Variants in PPFIA4 observed in about 807,000 individuals in gnomAD.
PPFIA4 encodes PPFI scaffold protein A4.
Under a neutral mutation model 145.7 loss-of-function variants are expected in PPFIA4, and 98 were observed. That is an observed-to-expected ratio of 0.67 (90% confidence interval 0.57 to 0.80). The LOEUF (loss-of-function observed/expected upper bound fraction) is 0.80, where lower values mean the gene tolerates loss of function less well. PPFIA4 is among the 30% of genes least tolerant of loss of function. PPFIA4 has a pLI of 0.00. For missense variants in PPFIA4, 1,457 were observed against 1,632.7 expected, an observed-to-expected ratio of 0.89 and a Z score of 1.85; for synonymous variants, 628 against 649.6, an observed-to-expected ratio of 0.97 and a Z score of 0.51.
rs777811403 is a variant in PPFIA4 at position 203,055,696 on chromosome 1, C to A, written c.2070+24C>A. On this transcript the variant is annotated intron_variant, in intron 16 of 29. Coordinates refer to ENST00000295706, the MANE Select transcript of PPFIA4 (RefSeq NM_001304331.2). The surrounding 1 kb of genome is among the most constrained non-coding windows in gnomAD (Gnocchi z 4.8). Reference sequence around the variant, plus strand: ...TGGTGAGAGGCAGCTGAGGAGCAGGCCTGGCATCACTGGACCCTGCACCGG... The same window carrying A: ...TGGTGAGAGGCAGCTGAGGAGCAGGACTGGCATCACTGGACCCTGCACCGG... 4.3e-6 allele frequency: 7 copies of A among 1,612,428 alleles called. No individual in the cohort carries two copies. Among genetic ancestry groups the A allele is most frequent in the African/African-American group, 2.7e-5 (2 of 74,990 alleles).
chr1:203,056,741 A>T (rs778949920), intron 18 of PPFIA4, 43 bp from the exon 19 acceptor site: 5 of 1,474,922 alleles, frequency 3.4e-6, no homozygotes, highest in African/African-American at 2.8e-5. Flanking sequence ...TCACTTAAGT[A>T]TGTTTCTTCT....
At chr1:203,027,557 C>T (rs143742023) in intron 1 of PPFIA4, among the ~76,000 whole-genome samples, 2 of 152,288 alleles carry the variant, frequency 1.3e-5, no homozygotes, top group South Asian at 2.1e-4. Flanking sequence ...GGCGCTGCTT[C>T]GCAGGGAGAT....
intron 20 of PPFIA4, 73 bp downstream of exon 20, chr1:203,059,344 G>A: frequency 1.5e-6 from 2 of 1,290,672 alleles, no homozygotes; most frequent in South Asian, 1.3e-5. Context: ...CTGGGCTGCT[G>A]TGAAACTGAG....
chr1:203,074,866 CA>C (rs1203150037), intron 28 of PPFIA4, among the ~76,000 whole-genome samples: 1 of 151,998 alleles, frequency 6.6e-6, no homozygotes, highest in African/African-American at 2.4e-5. Context: ...GGGCAGGTGG[CA>C]GGGGGCTGCC....
At chr1:203,059,399 G>A in intron 20 of PPFIA4, 128 bp downstream of exon 20, 1 of 825,822 alleles carries the variant, frequency 1.2e-6, no homozygotes, top group Non-Finnish European at 2.0e-6. Context: ...AACTGAGTTG[G>A]TCTGGTCCAT....
chr1:203,044,052 C>A lies in PPFIA4; in HGVS notation c.458C>A (p.Ala153Asp). 6.2e-7 allele frequency: 1 copy of A among 1,610,408 alleles called. No homozygotes were observed. Among genetic ancestry groups the A allele is most frequent in the Non-Finnish European group, 8.5e-7 (1 of 1,178,758 alleles). Residue 153 changes from alanine to aspartate, a missense_variant, in exon 4 of 30, where the codon GCC (alanine) becomes GAC (aspartate). Around this residue, in one of 3 missense-constraint regions of PPFIA4, gnomAD observed 463 missense variants for 459.8 expected, o/e 1.01. Transcript: ENST00000295706. ...GVSSEVEVLKALKSLFEHHKA... is the reference protein window; with the variant it reads ...GVSSEVEVLKDLKSLFEHHKA... Reference sequence around the variant, plus strand: ...TCCAGTGAGGTGGAGGTGCTGAAGGCCCTCAAGTCACTGTTTGAGCACCAC... The same window carrying A: ...TCCAGTGAGGTGGAGGTGCTGAAGGACCTCAAGTCACTGTTTGAGCACCAC...
chr1:203,050,231 A>G (rs1343664780), intron 13 of PPFIA4, among the ~76,000 whole-genome samples: 2 of 152,298 alleles, frequency 1.3e-5, no homozygotes, highest in Middle Eastern at 3.4e-3. Context: ...TCCTTACTGG[A>G]AGTTGAGACG....
chr1:203,056,155 G>C lies in PPFIA4; in HGVS notation c.2106G>C (p.Leu702=). Residue 702 remains leucine (L), a splice_region_variant and synonymous_variant, in exon 17 of 30, where the codon CTG becomes CTC. Transcript: ENST00000295706. ...SDLRKHRRKL[L]SPVSREENRE... is the part of the protein sequence containing the mutation. ...TAAGAAAGCATAGGAGGAAGCTGCT[G>C]GTGAGTGCTGCCTGATGGCCCAGGT... The C allele has an allele frequency of 6.2e-7, 1 of 1,613,940 alleles. No individual in the cohort carries two copies. The highest frequency in any genetic ancestry group is 8.5e-7 in the Non-Finnish European group (1 of 1,179,844).
chr1:203,075,590 T>C lies in PPFIA4; in HGVS notation c.3407T>C (p.Val1136Ala). 5 of 1,459,260 alleles carry C rather than the reference T, an allele frequency of 3.4e-6. No homozygotes were observed. Among genetic ancestry groups the C allele is most frequent in the Non-Finnish European group, 3.6e-6 (4 of 1,102,624 alleles). 90.4% of individuals were successfully genotyped at this position (1,459,260 alleles called of 1,614,324 possible). A position where few individuals can be genotyped will look rare whatever the true frequency, so the allele number is the denominator to read the frequency against. The change falls in exon 29 of 30, where the codon GTG becomes GCG. Residue 1136 changes from valine (V) to alanine (A), a missense_variant. By Grantham distance (64) the Val-to-Ala change is moderately conservative. Coordinates refer to ENST00000295706, the MANE Select transcript of PPFIA4 (RefSeq NM_001304331.2). This position sits in a 1 kb window ranked among gnomAD's most constrained non-coding sequence, Gnocchi z 4.1. The stretch of plus-strand genomic sequence containing the variant: ...CCCATGGTGCAGGGGGATGACAAGG[T>C]GTTTCGCCGCGCGCCCTCCTGGAGG... ...DRKLDDGDDK[V>A]FRRAPSWRKR...
chr1:203,064,038 G>A (rs372131717), intron 25 of PPFIA4, 35 bp downstream of exon 25: 15 of 1,596,566 alleles, frequency 9.4e-6, no homozygotes, highest in East Asian at 2.2e-5. Flanking sequence ...CACCTCCCTC[G>A]TGGGGGCCTC....
At position 203,076,630 on chromosome 1, in the gene PPFIA4, A is replaced by G. The variant is rs1348868940; in HGVS notation, c.*240A>G. 5.3e-6 allele frequency: 3 copies of G among 566,766 alleles called. No individual in the cohort carries two copies. The East Asian group carries it at 9.0e-5, about 17-fold the overall frequency. The allele number at this position is 566,766 out of a possible 1,614,324, so 35.1% of individuals were successfully genotyped here. ...GTTTCCTGGTATTGTGGAGGCACCCAGGTTGTCCATGCTTGGGATTCTGGG... is the reference window on the plus strand; with the variant it reads ...GTTTCCTGGTATTGTGGAGGCACCCGGGTTGTCCATGCTTGGGATTCTGGG... On this transcript the variant is annotated 3_prime_UTR_variant, in exon 30 of 30. Transcript: ENST00000295706.
Position 203,043,262 on chromosome 1 carries a change from T to C in PPFIA4, c.235-135T>C. On this transcript the variant is annotated intron_variant, in intron 2 of 29. Coordinates refer to ENST00000295706, the MANE Select transcript of PPFIA4 (RefSeq NM_001304331.2). The surrounding 1 kb of genome is among the most constrained non-coding windows in gnomAD (Gnocchi z 4.4). ...GCTACAGGTTTACTGACCTGCAGTGTGGATGGATTGGGATTTTGTGGGGGA... is the reference window on the plus strand; with the variant it reads ...GCTACAGGTTTACTGACCTGCAGTGCGGATGGATTGGGATTTTGTGGGGGA... 1 of 728,362 alleles carries C rather than the reference T, an allele frequency of 1.4e-6. No homozygotes were observed. The highest frequency in any genetic ancestry group is 2.4e-6 in the Non-Finnish European group (1 of 421,030). 45.1% of individuals were successfully genotyped at this position (728,362 alleles called of 1,614,324 possible).
rs1323104734 is a variant in PPFIA4, at chr1:203,068,473, G to C, written c.3169G>C (p.Asp1057His). The change falls in exon 27 of 30, where the codon GAC becomes CAC. Residue 1057 changes from aspartate (D) to histidine (H), a missense_variant. Transcript: ENST00000295706. The surrounding 1 kb of genome is among the most constrained non-coding windows in gnomAD (Gnocchi z 4.7). ...TCCAGATGTGTTAGTCTGGACCAAC[G>C]ACCAGGTGGTTCATTGGGTCCAGTC... ...EIKDVLVWTNDQVVHWVQSIG... is the reference protein window; with the variant it reads ...EIKDVLVWTNHQVVHWVQSIG... 1.2e-6 allele frequency: 2 copies of C among 1,606,988 alleles called. No individual in the cohort carries two copies. Among genetic ancestry groups the C allele is most frequent in the African/African-American group, 1.3e-5 (1 of 74,460 alleles).
chr1:203,067,885 G>A (rs1328812962), intron 26 of PPFIA4, 93 bp downstream of exon 26: 6 of 1,087,258 alleles, frequency 5.5e-6, no homozygotes, highest in Non-Finnish European at 8.4e-6. Context: ...CTGTGTCTCA[G>A]GGAATCTTCC....
chr1:203,039,469 C>T (rs528089178), intron 2 of PPFIA4, among the ~76,000 whole-genome samples: 4 of 152,322 alleles, frequency 2.6e-5, no homozygotes, highest in Non-Finnish European at 5.9e-5. Flanking sequence ...AAAACGCAGC[C>T]ATAGGTGTCA....
At position 203,055,727 on chromosome 1, in the gene PPFIA4, G is replaced by T; in HGVS notation, c.2070+55G>T. On this transcript the variant is annotated intron_variant, in intron 16 of 29. Transcript: ENST00000295706. The surrounding 1 kb of genome is among the most constrained non-coding windows in gnomAD (Gnocchi z 4.8). ...ATCACTGGACCCTGCACCGGGGGAG[G>T]TTTTAAGGGATGGTAGGACTCACGT... 2 of 1,604,096 alleles carry T rather than the reference G, an allele frequency of 1.2e-6. No homozygotes were observed. The highest frequency in any genetic ancestry group is 4.5e-5 in the East Asian group (2 of 44,640).
chr1:203,076,403 G>T lies in PPFIA4; in HGVS notation c.*13G>T. The T allele has an allele frequency of 6.2e-7, 1 of 1,607,662 alleles. No individual in the cohort carries two copies. On this transcript the variant is annotated 3_prime_UTR_variant, in exon 30 of 30. Transcript: ENST00000295706. ...CTTCCGGGACTAGCCATGGCCCCCAGGGCTGGCTTCCTCCTTCTGGGTTTC... is the reference window on the plus strand; with the variant it reads ...CTTCCGGGACTAGCCATGGCCCCCATGGCTGGCTTCCTCCTTCTGGGTTTC...
chr1:203,066,920 G>A (rs1661762010), intron 25 of PPFIA4, among the ~76,000 whole-genome samples: 1 of 152,136 alleles, frequency 6.6e-6, no homozygotes, highest in Non-Finnish European at 1.5e-5. Context: ...TAAATATATG[G>A]TATGTTAATA....
chr1:203,067,825 G>A (rs201224740), intron 26 of PPFIA4, 33 bp downstream of exon 26: 192 of 1,588,632 alleles, frequency 1.2e-4, no homozygotes, highest in Non-Finnish European at 1.6e-4. Flanking sequence ...GGGTTCGGGA[G>A]CAGCCTGCTT....
Sources: allele counts gnomAD v4.1 joint callset (sites outside exome capture counted in the v4.1 genomes callset), GRCh38; gene constraint gnomAD v4.1.1; regional missense constraint gnomAD v4.1.1; non-coding constraint Gnocchi (gnomAD v3.1); transcripts MANE v1.5; gene names NCBI Gene and HGNC (gene_info 2026-07-23, HGNC 2026-07-21).